Variants in GPC5 observed in about 807,000 individuals in gnomAD.
GPC5 encodes the protein glypican 5.
Under a neutral mutation model 53.9 loss-of-function variants are expected in GPC5, and 47 were observed. The ratio of observed to expected loss-of-function variants is 0.87; its 90% CI spans 0.69 to 1.11. The LOEUF (loss-of-function observed/expected upper bound fraction) is 1.11, where lower values mean the gene tolerates loss of function less well. Ranked by LOEUF, GPC5 falls within the 50% of genes most tolerant of loss-of-function variation. The pLI is 0.00. For missense variants in GPC5, 748 were observed against 713.1 expected (o/e 1.05, Z -0.56); for synonymous variants, 286 against 263.3 (o/e 1.09, Z -0.84).
In GPC5 at chr13:91,684,034, G is replaced by T. The variant is rs534083033; in HGVS notation, c.326-9153G>T. Among the ~76,000 whole-genome samples, 17 of 152,226 alleles carry T rather than the reference G, an allele frequency of 1.1e-4. No homozygotes were observed. In the South Asian group the frequency reaches 2.5e-3, roughly 22 times the overall value. The stretch of plus-strand genomic sequence containing the variant: ...TGGTCAATTGTTATTCCTCATCTCA[G>T]TTGCCCTTTTAATAGCATTTGACAT... On this transcript the variant is annotated intron_variant, in intron 2 of 7. Transcript: ENST00000377067.
At chr13:91,814,689 C>T (rs551661918) in intron 5 of GPC5, among the ~76,000 whole-genome samples, 1 of 152,142 alleles carries the variant, frequency 6.6e-6, no homozygotes, top group East Asian at 1.9e-4. Context: ...TACAGGCACC[C>T]ATCACCATGC....
chr13:91,447,712 A>G (rs1031012198), intron 1 of GPC5, among the ~76,000 whole-genome samples: 2 of 152,168 alleles, frequency 1.3e-5, no homozygotes, highest in Admixed American at 6.5e-5. Context: ...GCATGCACCT[A>G]TTTTACTGAT....
chr13:92,656,923 C>T (rs1886156507), intron 7 of GPC5, among the ~76,000 whole-genome samples: 1 of 152,170 alleles, frequency 6.6e-6, no homozygotes, highest in Non-Finnish European at 1.5e-5. Context: ...ATGAGCTATG[C>T]TCTCACACCG....
chr13:92,003,820 G>T (rs2040579177), intron 6 of GPC5, among the ~76,000 whole-genome samples: 1 of 152,126 alleles, frequency 6.6e-6, no homozygotes, highest in Admixed American at 6.5e-5. Flanking sequence ...CCATATTGAT[G>T]AAATGTTACA....
Position 92,624,080 on chromosome 13 carries a change from AT to A in GPC5, c.1562-242189del, listed in dbSNP as rs35437038. On this transcript the variant is annotated intron_variant, in intron 7 of 7. Coordinates refer to ENST00000377067, the MANE Select transcript of GPC5 (RefSeq NM_004466.6). ...TTTCCCCACGTTGGCCAGGCTGGTA[AT>A]TTTTTTTTTTTTAGATGAAGTCTTG... 1.1e-3 allele frequency among the ~76,000 whole-genome samples: 158 copies of A among 138,910 alleles called. 1 individual carries two copies. The highest frequency in any genetic ancestry group is 4.0e-3 in the Middle Eastern group (1 of 248). The allele number at this position is 138,910 out of a possible 152,430, so 91.1% of individuals were successfully genotyped here. A position where few individuals can be genotyped will look rare whatever the true frequency, so the allele number is the denominator to read the frequency against.
chr13:92,433,095 C>T (rs892161098), intron 7 of GPC5, among the ~76,000 whole-genome samples: 2 of 151,972 alleles, frequency 1.3e-5, no homozygotes, highest in Admixed American at 6.6e-5. Flanking sequence ...ATAGTTAATA[C>T]TAAGCATGTT....
chr13:92,838,877 C>T (rs185696607), intron 7 of GPC5, among the ~76,000 whole-genome samples: 12 of 152,298 alleles, frequency 7.9e-5, no homozygotes, highest in African/African-American at 1.2e-4. Context: ...CAAAAAATAA[C>T]TCTACAGAAT....
intron 7 of GPC5, among the ~76,000 whole-genome samples, chr13:92,626,021 G>T (rs1257768853): frequency 6.6e-6 from 1 of 152,136 alleles, no homozygotes; most frequent in Non-Finnish European, 1.5e-5. Flanking sequence ...CCATCTCATT[G>T]CAATGAAAAT....
intron 7 of GPC5, among the ~76,000 whole-genome samples, chr13:92,558,909 C>T (rs1347781107): frequency 1.3e-5 from 2 of 151,948 alleles, no homozygotes; most frequent in Admixed American, 1.3e-4. Flanking sequence ...GTCAGCATGG[C>T]GGAGTTGCCT....
chr13:92,286,895 C>G (rs2042959262), intron 7 of GPC5, among the ~76,000 whole-genome samples: 1 of 151,852 alleles, frequency 6.6e-6, no homozygotes, highest in African/African-American at 2.4e-5. Flanking sequence ...TAAAATATCA[C>G]TAGTAAAAAA....
intron 7 of GPC5, among the ~76,000 whole-genome samples, chr13:92,761,381 ATATATT>A (rs977952980): frequency 3.3e-5 from 5 of 152,206 alleles, no homozygotes; most frequent in Admixed American, 1.3e-4. Flanking sequence ...TTGGATGTAT[ATATATT>A]TATAATTGTT....
intron 7 of GPC5, among the ~76,000 whole-genome samples, chr13:92,602,146 T>C (rs1260848695): frequency 6.9e-6 from 1 of 145,840 alleles, no homozygotes; most frequent in Non-Finnish European, 1.5e-5. Context: ...TATGTGTGTA[T>C]ATATATACAC....
At chr13:91,650,053 G>A (rs970153898) in intron 2 of GPC5, among the ~76,000 whole-genome samples, 3 of 149,512 alleles carry the variant, frequency 2.0e-5, no homozygotes, top group Admixed American at 6.6e-5. Context: ...ATACAAAACT[G>A]GAACATGGAC....
At chr13:91,476,092 T>C (rs998598565) in intron 2 of GPC5, among the ~76,000 whole-genome samples, 8 of 152,220 alleles carry the variant, frequency 5.3e-5, no homozygotes, top group African/African-American at 1.7e-4. Context: ...CATGGCACTA[T>C]TGACACTGGG....
intron 7 of GPC5, among the ~76,000 whole-genome samples, chr13:92,506,456 A>G (rs1880373832): frequency 6.6e-6 from 1 of 152,192 alleles, no homozygotes; most frequent in Non-Finnish European, 1.5e-5. Context: ...AATTGATTAT[A>G]AAATTATAGC....
intron 2 of GPC5, among the ~76,000 whole-genome samples, chr13:91,578,656 T>C (rs1215086027): frequency 9.2e-6 from 1 of 108,144 alleles, no homozygotes; most frequent in East Asian, 2.7e-4. Flanking sequence ...GTCTGGTCTT[T>C]ACTGTGATTT....
chr13:91,903,628 C>T (rs1594652947), intron 5 of GPC5, among the ~76,000 whole-genome samples: 2 of 152,088 alleles, frequency 1.3e-5, no homozygotes, highest in East Asian at 3.8e-4. Flanking sequence ...TTTATTAAAT[C>T]ACATTTCATT....
intron 6 of GPC5, among the ~76,000 whole-genome samples, chr13:92,098,109 T>A (rs1969911): frequency 0.97 from 147,841 of 152,294 alleles, 71,931 homozygotes; most frequent in Middle Eastern, 1. Context: ...TTTGTCACCC[T>A]GGTACTAAGC....
intron 7 of GPC5, among the ~76,000 whole-genome samples, chr13:92,269,009 A>G (rs2042822074): frequency 6.6e-6 from 1 of 152,100 alleles, no homozygotes; most frequent in Non-Finnish European, 1.5e-5. Flanking sequence ...TTAATTTAGT[A>G]GATAAATAAC....
Sources: gnomAD v4.1 joint callset for allele counts (sites outside exome capture counted in the v4.1 genomes callset) on GRCh38, gnomAD v4.1.1 for gene constraint, MANE v1.5 for transcripts, NCBI Gene and HGNC (gene_info 2026-07-23, HGNC 2026-07-21) for gene names.